MOXD1: variants seen among roughly 807,000 people sequenced by gnomAD.
MOXD1 encodes monooxygenase DBH like 1.
In MOXD1, 62 loss-of-function variants were observed where a neutral mutation model predicts 66.6. That is an observed-to-expected ratio of 0.93 (90% confidence interval 0.76 to 1.15). The LOEUF is 1.15. MOXD1 is among the 50% of genes most tolerant of loss of function. MOXD1 has a pLI of 0.00. For missense variants in MOXD1, 847 were observed against 754.6 expected (o/e 1.12, Z -1.44); for synonymous variants, 303 against 281.9 (o/e 1.07, Z -0.75).
chr6:132,326,097 G>T (rs1775182244), intron 6 of MOXD1, among the ~76,000 whole-genome samples: 1 of 152,010 alleles, frequency 6.6e-6, no homozygotes. Context: ...TGTATAGTTA[G>T]GTTCATTAGT....
chr6:132,370,686 TA>T (rs1240602933), intron 4 of MOXD1, among the ~76,000 whole-genome samples: 1 of 152,106 alleles, frequency 6.6e-6, no homozygotes, highest in Non-Finnish European at 1.5e-5. Context: ...TTGCTCAAGG[TA>T]AATAACTTTT....
chr6:132,374,878 T>C, intron 1 of MOXD1, 101 bp from the exon 2 acceptor site: 1 of 1,199,956 alleles, frequency 8.3e-7, no homozygotes, highest in Non-Finnish European at 1.2e-6. Context: ...AGAGTTATTT[T>C]ATAAATCCCG....
At chr6:132,381,671 ATAAATG>A (rs1416419710) in intron 1 of MOXD1, among the ~76,000 whole-genome samples, 1 of 152,174 alleles carries the variant, frequency 6.6e-6, no homozygotes, top group African/African-American at 2.4e-5. Context: ...TGACAAAGGG[ATAAATG>A]TTATTCAAGT....
chr6:132,369,390 C>A (rs542084982), intron 4 of MOXD1, among the ~76,000 whole-genome samples: 5 of 152,144 alleles, frequency 3.3e-5, no homozygotes, highest in Admixed American at 2.0e-4. Flanking sequence ...AGTGAGACAG[C>A]AAAATTGGCA....
intron 1 of MOXD1, among the ~76,000 whole-genome samples, chr6:132,390,055 C>T (rs1776727305): frequency 6.6e-6 from 1 of 151,174 alleles, no homozygotes; most frequent in East Asian, 1.9e-4. Flanking sequence ...ACATCAACGC[C>T]TAGTATTAAG....
chr6:132,368,876 C>A (rs907755523), intron 4 of MOXD1, among the ~76,000 whole-genome samples: 1 of 152,076 alleles, frequency 6.6e-6, no homozygotes, highest in African/African-American at 2.4e-5. Context: ...TCTTCCTATA[C>A]ATGCATTAAA....
At chr6:132,336,088 T>C (rs1175851839) in intron 4 of MOXD1, among the ~76,000 whole-genome samples, 1 of 152,220 alleles carries the variant, frequency 6.6e-6, no homozygotes, top group Non-Finnish European at 1.5e-5. Flanking sequence ...GGCTCCTTGC[T>C]TGTTAAAACA....
At chr6:132,374,097 T>C (rs998183468) in intron 2 of MOXD1, among the ~76,000 whole-genome samples, 2 of 152,208 alleles carry the variant, frequency 1.3e-5, no homozygotes, top group Non-Finnish European at 2.9e-5. Flanking sequence ...ACATATCTTC[T>C]AAATATTTAA....
intron 1 of MOXD1, chr6:132,392,351 C>A (rs2114694912): frequency 2.6e-6 from 4 of 1,547,814 alleles, no homozygotes; most frequent in East Asian, 4.8e-5. Context: ...GCGATTTATA[C>A]CCCCATAAGA....
chr6:132,370,051 C>T (rs770408612), intron 4 of MOXD1, among the ~76,000 whole-genome samples: 2 of 152,046 alleles, frequency 1.3e-5, no homozygotes, highest in Non-Finnish European at 2.9e-5. Flanking sequence ...ACACACCACA[C>T]AATATGATAT....
At chr6:132,392,082 C>A in intron 1 of MOXD1, 1 of 1,200,258 alleles carries the variant, frequency 8.3e-7, no homozygotes, top group Non-Finnish European at 1.1e-6. Flanking sequence ...TCATCTCTCC[C>A]TTACAGCCTT....
At chr6:132,391,174 T>A (rs1776752233) in intron 1 of MOXD1, 1 of 151,220 alleles carries the variant, frequency 6.6e-6, no homozygotes, top group African/African-American at 2.4e-5. Flanking sequence ...TCAACCGAAA[T>A]ATGAGCTCTT....
chr6:132,376,256 C>T (rs1457747804), intron 1 of MOXD1, among the ~76,000 whole-genome samples: 1 of 152,062 alleles, frequency 6.6e-6, no homozygotes, highest in Non-Finnish European at 1.5e-5. Context: ...GAATTTATAG[C>T]TATGTTTGAC....
At chr6:132,349,785 C>G (rs1291069717) in intron 4 of MOXD1, among the ~76,000 whole-genome samples, 1 of 151,552 alleles carries the variant, frequency 6.6e-6, no homozygotes, top group African/African-American at 2.4e-5. Flanking sequence ...CCAACATCTC[C>G]TGTTTTTTGA....
chr6:132,383,501 G>A (rs1347250422), intron 1 of MOXD1, among the ~76,000 whole-genome samples: 1 of 152,090 alleles, frequency 6.6e-6, no homozygotes, highest in African/African-American at 2.4e-5. Flanking sequence ...TGAGAAAGAG[G>A]CCCACCTGAG....
In MOXD1 at chr6:132,359,550, G is replaced by T. The variant is rs369231575; in HGVS notation, c.663+13058C>A. Among the ~76,000 whole-genome samples, 581 of 148,214 alleles carry T rather than the reference G, an allele frequency of 3.9e-3. 3 individuals are homozygous for T. Among genetic ancestry groups the T allele is most frequent in the Middle Eastern group, 0.034 (10 of 290 alleles). Reference sequence around the variant, plus strand: ...CGCCCAGGCTGGAGTGCAGTGGCGCGATCTCGGCTCACTGCAAGCTCCGCC... The same window carrying T: ...CGCCCAGGCTGGAGTGCAGTGGCGCTATCTCGGCTCACTGCAAGCTCCGCC... On this transcript the variant is annotated intron_variant, in intron 4 of 11. Transcript: ENST00000367963.
chr6:132,367,022 G>A (rs1291224107), intron 4 of MOXD1, among the ~76,000 whole-genome samples: 9 of 151,946 alleles, frequency 5.9e-5, no homozygotes, highest in Non-Finnish European at 1.0e-4. Context: ...ATATTTCATG[G>A]GAGAAAAAAG....
intron 6 of MOXD1, among the ~76,000 whole-genome samples, chr6:132,325,543 T>G (rs753132900): frequency 1.3e-5 from 2 of 152,184 alleles, no homozygotes; most frequent in African/African-American, 2.4e-5. Flanking sequence ...TTATGACCCG[T>G]AAGAAGGCCC....
chr6:132,340,678 G>T (rs1355460549), intron 4 of MOXD1, among the ~76,000 whole-genome samples: 4 of 107,506 alleles, frequency 3.7e-5, no homozygotes, highest in African/African-American at 1.9e-4. Context: ...CCGGAGTCTC[G>T]CTCTGTCACC....
Sources: allele counts gnomAD v4.1 joint callset (sites outside exome capture counted in the v4.1 genomes callset), GRCh38; gene constraint gnomAD v4.1.1; transcripts MANE v1.5; gene names NCBI Gene and HGNC (gene_info 2026-07-23, HGNC 2026-07-21).